The following WWP1 variants were observed in gnomAD, a reference collection of about 807,000 sequenced individuals.
WWP1 encodes WW domain containing E3 ubiquitin protein ligase 1.
WWP1 carries 49 observed loss-of-function variants against 130.6 expected under a neutral mutation model. The observed-to-expected ratio is 0.38, with a 90% CI of 0.30 to 0.48. The LOEUF is 0.48. WWP1 is among the 20% of genes least tolerant of loss of function. WWP1 has a pLI of 0.99. For missense variants in WWP1, 809 were observed against 1,100.6 expected (o/e 0.74, Z 3.75); for synonymous variants, 332 against 367.8 (o/e 0.90, Z 1.11).
At chr8:86,400,958 A>G (rs1426936645) in intron 7 of WWP1, among the ~76,000 whole-genome samples, 3 of 151,902 alleles carry the variant, frequency 2.0e-5, no homozygotes, top group Non-Finnish European at 4.4e-5. Context: ...TGTATTTGGA[A>G]AAGCTCTCCT....
At chr8:86,351,907 A>AT (rs1323839043) in intron 1 of WWP1, among the ~76,000 whole-genome samples, 1 of 151,990 alleles carries the variant, frequency 6.6e-6, no homozygotes, top group African/African-American at 2.4e-5. Flanking sequence ...AGGGATCTTC[A>AT]TTTTTTGCAA....
chr8:86,388,259 T>C (rs924521557), intron 5 of WWP1, among the ~76,000 whole-genome samples: 1 of 151,468 alleles, frequency 6.6e-6, no homozygotes, highest in African/African-American at 2.4e-5. Flanking sequence ...GGTTGTCTGT[T>C]TTTTTTTTCC....
intron 17 of WWP1, 196 bp from the exon 18 acceptor site, chr8:86,442,423 G>T (rs907392818): frequency 4.9e-6 from 2 of 404,420 alleles, no homozygotes; most frequent in African/African-American, 2.0e-5. Context: ...TTGTAGTTTG[G>T]CCACATCGAA....
intron 2 of WWP1, among the ~76,000 whole-genome samples, chr8:86,373,676 A>G (rs1824461258): frequency 6.6e-6 from 1 of 152,150 alleles, no homozygotes; most frequent in Admixed American, 6.5e-5. Context: ...ACTTTCCTAA[A>G]ACATACGTAT....
At position 86,342,863 on chromosome 8, in the gene WWP1, G is replaced by A; in HGVS notation, c.-182G>A. On this transcript the variant is annotated 5_prime_UTR_variant, in exon 1 of 25. Coordinates refer to ENST00000517970, the MANE Select transcript of WWP1 (RefSeq NM_007013.4). Reference sequence around the variant, plus strand: ...ATCTTGGGCGCGGAAGGGTGAGGGCGCCCGCCGCAGGAGGAGGTGCCGCTG... The same window carrying A: ...ATCTTGGGCGCGGAAGGGTGAGGGCACCCGCCGCAGGAGGAGGTGCCGCTG... The A allele has an allele frequency of 2.8e-6, 1 of 361,988 alleles. No homozygotes were observed. The allele number at this position is 361,988 out of a possible 1,614,324, so 22.4% of individuals were successfully genotyped here.
chr8:86,362,832 A>C (rs1162637572), intron 1 of WWP1, among the ~76,000 whole-genome samples: 1 of 152,332 alleles, frequency 6.6e-6, no homozygotes, highest in East Asian at 1.9e-4. Flanking sequence ...AGCTGGGATT[A>C]GTATCTCAAA....
intron 1 of WWP1, among the ~76,000 whole-genome samples, chr8:86,356,429 A>G (rs140919877): frequency 0.014 from 2,173 of 151,144 alleles, 61 homozygotes; most frequent in African/African-American, 0.049. Flanking sequence ...AAATGCACGC[A>G]TATATATATT....
chr8:86,420,817 A>G (rs544831686), intron 9 of WWP1, among the ~76,000 whole-genome samples: 25 of 152,242 alleles, frequency 1.6e-4, no homozygotes, highest in African/African-American at 2.7e-4. Context: ...ATCTGAAAGT[A>G]TATGTAATTT....
At chr8:86,390,880 A>C (rs1235233450) in intron 5 of WWP1, among the ~76,000 whole-genome samples, 1 of 152,088 alleles carries the variant, frequency 6.6e-6, no homozygotes, top group Non-Finnish European at 1.5e-5. Flanking sequence ...TTACAAGGCT[A>C]ATTTCTTCCT....
chr8:86,393,034 C>A (rs1272330929), intron 5 of WWP1, among the ~76,000 whole-genome samples: 1 of 152,106 alleles, frequency 6.6e-6, no homozygotes, highest in African/African-American at 2.4e-5. Context: ...CAAAGCATTT[C>A]TTTGATTATT....
intron 3 of WWP1, among the ~76,000 whole-genome samples, chr8:86,375,240 T>C (rs1370310918): frequency 6.6e-6 from 1 of 152,204 alleles, no homozygotes; most frequent in East Asian, 1.9e-4. Context: ...TTTAATGTAC[T>C]TTAGTAATTC....
intron 8 of WWP1, among the ~76,000 whole-genome samples, chr8:86,404,505 G>A (rs1284849529): frequency 2.6e-5 from 4 of 152,106 alleles, no homozygotes; most frequent in African/African-American, 4.8e-5. Context: ...TTCAGTTCTC[G>A]CATTTCTTTC....
chr8:86,461,375 C>T, intron 23 of WWP1, 55 bp downstream of exon 23: 1 of 1,422,940 alleles, frequency 7.0e-7, no homozygotes, highest in East Asian at 2.3e-5. Context: ...TAATAATGGC[C>T]TTTGGACATA....
rs754925349 is a variant in WWP1 at position 86,381,595 on chromosome 8, T to C, written c.300T>C (p.Asp100=). 51 of 1,608,650 alleles carry C rather than the reference T, an allele frequency of 3.2e-5. No individual in the cohort carries two copies. Among genetic ancestry groups the C allele is most frequent in the Non-Finnish European group, 4.2e-5 (49 of 1,178,822 alleles). ...ADALLGKATI[D]LKQALLIHNR... Reference sequence around the variant, plus strand: ...CTTTATTAGGAAAAGCAACGATAGATTTGAAACAAGCTCTGTTGATACACA... The same window carrying C: ...CTTTATTAGGAAAAGCAACGATAGACTTGAAACAAGCTCTGTTGATACACA... Residue 100 remains aspartate, a synonymous_variant, in exon 5 of 25, where the codon GAT becomes GAC. Transcript: ENST00000517970.
intron 5 of WWP1, among the ~76,000 whole-genome samples, chr8:86,386,463 GTTC>G (rs1429138418): frequency 1.2e-5 from 1 of 81,030 alleles, no homozygotes; most frequent in East Asian, 4.3e-4. Flanking sequence ...TTTCCTCCTC[GTTC>G]TTCTTTTGTG....
chr8:86,424,093 C>T (rs866069326), intron 9 of WWP1, among the ~76,000 whole-genome samples: 7 of 145,284 alleles, frequency 4.8e-5, no homozygotes, highest in Admixed American at 1.4e-4. Flanking sequence ...TCAGATGGGG[C>T]GGCTGCCAGG....
intron 1 of WWP1, among the ~76,000 whole-genome samples, chr8:86,368,734 G>C (rs778384754): frequency 3.9e-5 from 6 of 152,058 alleles, no homozygotes; most frequent in Non-Finnish European, 7.4e-5. Flanking sequence ...CAGTTCTCTG[G>C]ATGTGCCGTT....
At chr8:86,434,299 T>C (rs1810162357) in intron 14 of WWP1, among the ~76,000 whole-genome samples, 1 of 152,226 alleles carries the variant, frequency 6.6e-6, no homozygotes, top group African/African-American at 2.4e-5. Context: ...ACCCCTCTTA[T>C]CTCTTCAACC....
chr8:86,436,324 A>G (rs1324423127), intron 16 of WWP1, among the ~76,000 whole-genome samples: 2 of 152,222 alleles, frequency 1.3e-5, no homozygotes, highest in South Asian at 2.1e-4. Flanking sequence ...ATTGGTAGAT[A>G]CTGTATTCCA....
Sources: gnomAD v4.1 joint callset for allele counts (sites outside exome capture counted in the v4.1 genomes callset) on GRCh38, gnomAD v4.1.1 for gene constraint, MANE v1.5 for transcripts, NCBI Gene and HGNC (gene_info 2026-07-23, HGNC 2026-07-21) for gene names.